Variants in ZNF512 observed in about 807,000 individuals in gnomAD.
The protein encoded by ZNF512 is zinc finger protein 512.
ZNF512 carries 25 observed loss-of-function variants against 77.5 expected under a neutral mutation model. The observed-to-expected ratio is 0.32, with a 90% confidence interval of 0.23 to 0.45. ZNF512 has a LOEUF of 0.45. ZNF512 is among the 20% of genes least tolerant of loss of function. The pLI, the probability that ZNF512 is intolerant of heterozygous loss-of-function variation, is 1.00. For missense variants in ZNF512, 483 were observed against 692.6 expected, an observed-to-expected ratio of 0.70 and a Z score of 3.40; for synonymous variants, 246 against 239.9, an observed-to-expected ratio of 1.03 and a Z score of -0.24.
At chr2:27,592,567 G>A (rs1671637602) in intron 2 of ZNF512, among the ~76,000 whole-genome samples, 1 of 150,096 alleles carries the variant, frequency 6.7e-6, no homozygotes, top group Non-Finnish European at 1.5e-5. Context: ...TGCCTGCCTT[G>A]GCCTCCCAAA....
intron 2 of ZNF512, among the ~76,000 whole-genome samples, chr2:27,589,511 G>A (rs753747124): frequency 2.6e-5 from 4 of 152,046 alleles, no homozygotes; most frequent in Non-Finnish European, 4.4e-5. Context: ...TAGCTACAGG[G>A]TTGTCAATTT....
chr2:27,597,986 A>G, intron 2 of ZNF512, 81 bp from the exon 3 acceptor site: 1 of 1,224,866 alleles, frequency 8.2e-7, no homozygotes. Context: ...AGAGGTAACC[A>G]ACTTGGTTAT....
intron 10 of ZNF512, among the ~76,000 whole-genome samples, chr2:27,611,539 T>C (rs1473469936): frequency 6.6e-6 from 1 of 152,170 alleles, no homozygotes; most frequent in Non-Finnish European, 1.5e-5. Context: ...GATCAGTTGC[T>C]TAGGGTGTGT....
chr2:27,589,553 A>G (rs1438740761), intron 2 of ZNF512, among the ~76,000 whole-genome samples: 4 of 151,876 alleles, frequency 2.6e-5, no homozygotes, highest in Non-Finnish European at 5.9e-5. Flanking sequence ...CATTTCCCCT[A>G]TTGTCTGTTT....
chr2:27,617,565 T>C lies in ZNF512; in HGVS notation c.1389T>C (p.His463=). ...TCAAGTATCACATCAACTCCGTCCA[T>C]GCTGAGGTGAGGTTTTTGTAATCCT... The part of the protein sequence containing the change: ...SGVKYHINSV[H]AEDWFVVNPT... The change falls in exon 13 of 14, where the codon CAT becomes CAC. Residue 463 remains histidine, a synonymous_variant. Transcript: ENST00000355467. The C allele has an allele frequency of 2.5e-6, 3 of 1,208,524 alleles. No individual in the cohort carries two copies. Among genetic ancestry groups the C allele is most frequent in the South Asian group, 1.2e-5 (1 of 83,114 alleles). 74.9% of individuals were successfully genotyped at this position (1,208,524 alleles called of 1,614,324 possible). A position where few individuals can be genotyped will look rare whatever the true frequency, so the allele number is the denominator to read the frequency against.
At chr2:27,608,907 G>T (rs946336661) in intron 10 of ZNF512, among the ~76,000 whole-genome samples, 2 of 151,868 alleles carry the variant, frequency 1.3e-5, no homozygotes, top group Non-Finnish European at 2.9e-5. Context: ...TCAAGAGATC[G>T]AGACCATCCT....
Position 27,602,515 on chromosome 2 carries a change from T to A in ZNF512, c.722T>A (p.Leu241His). Residue 241 changes from leucine to histidine, a missense_variant, in exon 8 of 14, where the codon CTC becomes CAC. Physicochemically the swap from Leu to His is moderately conservative, Grantham distance 99. Transcript: ENST00000355467. ...EIDEPSERER[L>H]RTVLKRLGKL... ...GATGAGCCAAGTGAGAGGGAAAGGC[T>A]CCGAACAGTTCTAAAGAGACTGGGA... The A allele has an allele frequency of 6.2e-7, 1 of 1,614,062 alleles. No individual in the cohort carries two copies. Among genetic ancestry groups the A allele is most frequent in the Non-Finnish European group, 8.5e-7 (1 of 1,179,978 alleles).
At chr2:27,585,456 A>G (rs1671285297) in intron 2 of ZNF512, among the ~76,000 whole-genome samples, 2 of 152,196 alleles carry the variant, frequency 1.3e-5, no homozygotes, top group Admixed American at 6.5e-5. Flanking sequence ...CATTAACCAG[A>G]TTTGGAATCA....
chr2:27,610,359 G>C (rs1363733628), intron 10 of ZNF512, among the ~76,000 whole-genome samples: 1 of 137,404 alleles, frequency 7.3e-6, no homozygotes, highest in Non-Finnish European at 1.6e-5. Context: ...GCAAGACTCC[G>C]TATCAAAAAA....
intron 9 of ZNF512, among the ~76,000 whole-genome samples, chr2:27,606,119 C>T (rs1029622165): frequency 6.6e-6 from 1 of 152,154 alleles, no homozygotes; most frequent in East Asian, 1.9e-4. Context: ...ATTTGTATGT[C>T]TTTAATGAAG....
chr2:27,616,642 G>A (rs1396912994), intron 12 of ZNF512, among the ~76,000 whole-genome samples: 1 of 152,146 alleles, frequency 6.6e-6, no homozygotes, highest in African/African-American at 2.4e-5. Flanking sequence ...CCTACACTGG[G>A]CCTGCCCTGT....
intron 2 of ZNF512, among the ~76,000 whole-genome samples, chr2:27,587,918 G>GTATTTTCCCCTTTAAGTCTTCTT (rs1225931453): frequency 5.9e-5 from 9 of 152,114 alleles, no homozygotes; most frequent in Admixed American, 1.3e-4. Context: ...AACCTCAGGT[G>GTATTTTCCCCTTTAAGTCTTCTT]ATCTGCCCAC....
intron 9 of ZNF512, among the ~76,000 whole-genome samples, chr2:27,604,596 CATAGTGAGACCCTGTCTCTACA>C (rs1672276462): frequency 6.6e-6 from 1 of 151,916 alleles, no homozygotes; most frequent in South Asian, 2.1e-4. Flanking sequence ...GGTTGGGCTA[CATAGTGAGACCCTGTCTCTACA>C]AAAAATGAAA....
chr2:27,612,000 T>C (rs576316383), intron 10 of ZNF512, among the ~76,000 whole-genome samples: 1 of 152,316 alleles, frequency 6.6e-6, no homozygotes, highest in African/African-American at 2.4e-5. Flanking sequence ...GTAACAGTTA[T>C]GCCTGTGATG....
chr2:27,607,991 A>G lies in ZNF512; in HGVS notation c.1083A>G (p.Glu361=). 3 of 1,607,838 alleles carry G rather than the reference A, an allele frequency of 1.9e-6. No homozygotes were observed. The highest frequency in any genetic ancestry group is 1.1e-5 in the South Asian group (1 of 90,068). The change falls in exon 10 of 14, where the codon GAA becomes GAG. Residue 361 remains glutamate, a synonymous_variant. Transcript: ENST00000355467. ...TGGCCTCTGCTGAACTGGCCAAGGA[A>G]TGGCCCAAGAGGAAGGTGCTTCAGG... ...QELASAELAK[E]WPKRKVLQDL...
At chr2:27,599,705 T>C (rs768868497) in intron 4 of ZNF512, 27 bp downstream of exon 4, 2 of 1,589,840 alleles carry the variant, frequency 1.3e-6, no homozygotes, top group Admixed American at 3.4e-5. Context: ...GCTACTTCTT[T>C]TTCCTTGGGT....
Position 27,621,439 on chromosome 2 carries a change from A to G in ZNF512, c.1682A>G (p.Asn561Ser), listed in dbSNP as rs1673120227. The change falls in exon 14 of 14, where the codon AAT becomes AGT. Residue 561 changes from asparagine to serine, a missense_variant. Asn to Ser is a conservative substitution (Grantham distance 46). Transcript: ENST00000355467. ...QFQKVKPPKT[N>S]HKRGRK ...CAGAAAGTAAAGCCCCCAAAGACTAATCATAAACGAGGAAGGAAATAGGCA... is the reference window on the plus strand; with the variant it reads ...CAGAAAGTAAAGCCCCCAAAGACTAGTCATAAACGAGGAAGGAAATAGGCA... 1.2e-6 allele frequency: 2 copies of G among 1,611,398 alleles called. No individual in the cohort carries two copies. The highest frequency in any genetic ancestry group is 1.7e-6 in the Non-Finnish European group (2 of 1,179,732).
chr2:27,610,568 ATTTTTTTTTTTT>A lies in ZNF512; in HGVS notation c.1131+2550_1131+2561del, dbSNP rs767964486. On this transcript the variant is annotated intron_variant, in intron 10 of 13. Transcript: ENST00000355467. ...TGTATATATATATATATATATATAT[ATTTTTTTTTTTT>A]TTTTTTTTTTTTTTTTTTTTGAGAC... Among the ~76,000 whole-genome samples, 20 of 18,180 alleles carry A rather than the reference ATTTTTTTTTTTT, an allele frequency of 1.1e-3. 1 individual carries two copies. Among genetic ancestry groups the A allele is most frequent in the South Asian group, 3.2e-3 (1 of 308 alleles). The allele number at this position is 18,180 out of a possible 152,430, so 11.9% of individuals were successfully genotyped here.
chr2:27,620,540 C>A (rs1176115437), intron 13 of ZNF512, among the ~76,000 whole-genome samples: 1 of 152,106 alleles, frequency 6.6e-6, no homozygotes, highest in African/African-American at 2.4e-5. Context: ...TGGAGTCTTG[C>A]AGTGGGGCAG....
Sources: allele counts gnomAD v4.1 joint callset (sites outside exome capture counted in the v4.1 genomes callset), GRCh38; gene constraint gnomAD v4.1.1; transcripts MANE v1.5; gene names NCBI Gene and HGNC (gene_info 2026-07-23, HGNC 2026-07-21).